TSHZ2: variants seen among roughly 807,000 people sequenced by gnomAD.
The protein encoded by TSHZ2 is teashirt homolog 2.
A neutral mutation model predicts 74.4 loss-of-function variants in TSHZ2; 21 were observed. The observed-to-expected ratio is 0.28, with a 90% confidence interval of 0.20 to 0.41. TSHZ2 has a LOEUF of 0.41. Ranked by LOEUF, TSHZ2 falls within the 10% of genes least tolerant of loss-of-function variation. The pLI is 1.00. For synonymous variants in TSHZ2, 540 were observed against 515.3 expected, an observed-to-expected ratio of 1.05 and a Z score of -0.65; for missense variants, 1,244 against 1,293.5, an observed-to-expected ratio of 0.96 and a Z score of 0.59.
intron 2 of TSHZ2, among the ~76,000 whole-genome samples, chr20:53,308,432 G>A (rs150853325): frequency 8.5e-4 from 129 of 152,198 alleles, no homozygotes; most frequent in African/African-American, 2.4e-3. Flanking sequence ...AAAGCAGGGC[G>A]TCTCGATGGT....
At chr20:53,170,491 A>G (rs1988173719) in intron 1 of TSHZ2, among the ~76,000 whole-genome samples, 1 of 152,176 alleles carries the variant, frequency 6.6e-6, no homozygotes, top group South Asian at 2.1e-4. Flanking sequence ...CCTTGACGCT[A>G]TTGAACCAGA....
intron 2 of TSHZ2, among the ~76,000 whole-genome samples, chr20:53,274,489 T>C (rs922202160): frequency 1.3e-5 from 2 of 152,182 alleles, no homozygotes; most frequent in Non-Finnish European, 1.5e-5. Flanking sequence ...GAGGAACACA[T>C]TGTCTTTTTC....
chr20:53,167,362 T>C (rs972383771), intron 1 of TSHZ2, among the ~76,000 whole-genome samples: 1 of 152,216 alleles, frequency 6.6e-6, no homozygotes, highest in Non-Finnish European at 1.5e-5. Flanking sequence ...GTAGACATTA[T>C]TTTCACTATA....
At chr20:53,075,603 T>G (rs539086313) in intron 1 of TSHZ2, among the ~76,000 whole-genome samples, 1 of 152,222 alleles carries the variant, frequency 6.6e-6, no homozygotes, top group East Asian at 1.9e-4. Context: ...GTTTGGATAG[T>G]ATGTTCTAGA....
intron 1 of TSHZ2, among the ~76,000 whole-genome samples, chr20:53,223,494 T>C (rs1282228415): frequency 6.6e-6 from 1 of 152,158 alleles, no homozygotes; most frequent in African/African-American, 2.4e-5. Context: ...TCGGATCAAG[T>C]GATCCTCCCA....
intron 2 of TSHZ2, among the ~76,000 whole-genome samples, chr20:53,265,572 A>G (rs1240663550): frequency 1.3e-5 from 2 of 152,134 alleles, no homozygotes; most frequent in African/African-American, 2.4e-5. Flanking sequence ...TTTCTGTTGT[A>G]TAATAGGCGC....
At chr20:53,193,990 G>C (rs1054052489) in intron 1 of TSHZ2, among the ~76,000 whole-genome samples, 1 of 152,182 alleles carries the variant, frequency 6.6e-6, no homozygotes, top group African/African-American at 2.4e-5. Context: ...AAGTTGTATT[G>C]CTTGACCTAT....
intron 1 of TSHZ2, among the ~76,000 whole-genome samples, chr20:53,009,149 G>A (rs1018769398): frequency 1.3e-5 from 2 of 151,718 alleles, no homozygotes; most frequent in Non-Finnish European, 2.9e-5. Flanking sequence ...AAAAAATAGT[G>A]AGACCAATCG....
rs548379152 is a variant in TSHZ2, at chr20:53,020,370, G to A, written c.40+47037G>A. ...CTTAGCATGGCATCCTTGTAGACAA[G>A]GTGGTGGTCAATATTTGTATTTCCC... On this transcript the variant is annotated intron_variant, in intron 1 of 2. Coordinates refer to ENST00000371497, the MANE Select transcript of TSHZ2 (RefSeq NM_173485.6). Among the ~76,000 whole-genome samples, 7 of 152,224 alleles carry A rather than the reference G, an allele frequency of 4.6e-5. No individual in the cohort carries two copies. The South Asian group carries it at 1.5e-3, about 32-fold the overall frequency.
chr20:52,990,873 T>C (rs974654149), intron 1 of TSHZ2, among the ~76,000 whole-genome samples: 2 of 152,230 alleles, frequency 1.3e-5, no homozygotes, highest in African/African-American at 4.8e-5. Flanking sequence ...GATGTGTGTG[T>C]GTGTGTGTTG....
intron 1 of TSHZ2, among the ~76,000 whole-genome samples, chr20:53,168,129 G>T (rs1484329786): frequency 6.6e-6 from 1 of 152,150 alleles, no homozygotes; most frequent in Admixed American, 6.5e-5. Flanking sequence ...CTCAGTCCCC[G>T]AGATCAAGTG....
At chr20:53,337,028 A>C (rs889490403) in intron 2 of TSHZ2, among the ~76,000 whole-genome samples, 2 of 152,228 alleles carry the variant, frequency 1.3e-5, no homozygotes, top group Non-Finnish European at 2.9e-5. Context: ...ACATATATAC[A>C]GAAAGCAAGA....
chr20:53,239,286 T>C (rs534285837), intron 1 of TSHZ2, among the ~76,000 whole-genome samples: 4 of 152,302 alleles, frequency 2.6e-5, no homozygotes, highest in African/African-American at 9.6e-5. Flanking sequence ...TCTAATTTAG[T>C]GTCCTCTCAG....
At chr20:53,433,317 T>C (rs1983909239) in intron 2 of TSHZ2, among the ~76,000 whole-genome samples, 2 of 152,176 alleles carry the variant, frequency 1.3e-5, no homozygotes, top group South Asian at 4.1e-4. Flanking sequence ...CAGTGAGCTA[T>C]GATCATGCCA....
chr20:53,315,543 T>C (rs907393395), intron 2 of TSHZ2, among the ~76,000 whole-genome samples: 5 of 152,246 alleles, frequency 3.3e-5, no homozygotes, highest in African/African-American at 1.2e-4. Context: ...CCAAATTAAA[T>C]AACTGCGATA....
At chr20:53,119,321 G>A (rs926969696) in intron 1 of TSHZ2, among the ~76,000 whole-genome samples, 1 of 152,032 alleles carries the variant, frequency 6.6e-6, no homozygotes, top group African/African-American at 2.4e-5. Context: ...TCTAGATATC[G>A]GTGTCACATC....
intron 1 of TSHZ2, among the ~76,000 whole-genome samples, chr20:53,065,002 T>C (rs1984934725): frequency 6.6e-6 from 1 of 152,244 alleles, no homozygotes; most frequent in Admixed American, 6.5e-5. Context: ...AAACAGTGGA[T>C]GGCAACTTCT....
intron 1 of TSHZ2, among the ~76,000 whole-genome samples, chr20:53,214,277 C>CGGATGA (rs1467689532): frequency 1.3e-5 from 2 of 151,900 alleles, no homozygotes; most frequent in Non-Finnish European, 2.9e-5. Flanking sequence ...GGAGAGGGAG[C>CGGATGA]GGATGATGGA....
chr20:53,105,143 G>T (rs538239654), intron 1 of TSHZ2, among the ~76,000 whole-genome samples: 1 of 152,318 alleles, frequency 6.6e-6, no homozygotes, highest in East Asian at 1.9e-4. Flanking sequence ...TAAGGAACAC[G>T]AGAGTCTGTC....
Sources: allele counts gnomAD v4.1 joint callset (sites outside exome capture counted in the v4.1 genomes callset), GRCh38; gene constraint gnomAD v4.1.1; transcripts MANE v1.5; gene names NCBI Gene and HGNC (gene_info 2026-07-23, HGNC 2026-07-21).